The following BTBD9 variants were observed in gnomAD, a reference collection of about 807,000 sequenced individuals.
BTBD9 encodes BTB/POZ domain-containing protein 9.
A neutral mutation model predicts 64.3 loss-of-function variants in BTBD9; 49 were observed. The observed-to-expected ratio is 0.76, with a 90% confidence interval of 0.61 to 0.97. BTBD9 has a LOEUF of 0.97. Ranked by LOEUF, BTBD9 falls within the 50% of genes least tolerant of loss-of-function variation. The probability of loss-of-function intolerance (pLI) is 0.00; values close to 1 mark genes in which losing one functional copy is unlikely to be tolerated. For missense variants in BTBD9, 598 were observed against 762.1 expected (o/e 0.78, Z 2.53); for synonymous variants, 260 against 274.7 (o/e 0.95, Z 0.53).
intron 7 of BTBD9, among the ~76,000 whole-genome samples, chr6:38,302,525 CACATTCTCTTTAT>C (rs1357859270): frequency 2.7e-5 from 2 of 74,152 alleles, no homozygotes; most frequent in East Asian, 9.2e-4. Flanking sequence ...ATATATATAT[CACATTCTCTTTAT>C]ACATTCATAC....
chr6:38,587,163 G>C (rs1776572555), intron 4 of BTBD9, among the ~76,000 whole-genome samples: 1 of 152,148 alleles, frequency 6.6e-6, no homozygotes, highest in South Asian at 2.1e-4. Flanking sequence ...TGGCCATGGA[G>C]GGCAACCGAG....
chr6:38,617,169 C>T (rs1315552078), intron 1 of BTBD9, among the ~76,000 whole-genome samples: 1 of 152,100 alleles, frequency 6.6e-6, no homozygotes, highest in Non-Finnish European at 1.5e-5. Context: ...GAGTCGGGAG[C>T]GTTGCTTTGC....
At chr6:38,228,340 G>A (rs1763471893) in intron 9 of BTBD9, among the ~76,000 whole-genome samples, 1 of 66,574 alleles carries the variant, frequency 1.5e-5, no homozygotes, top group African/African-American at 6.4e-5. Flanking sequence ...GCAAGACCCT[G>A]TCCCCCCCCC....
intron 8 of BTBD9, among the ~76,000 whole-genome samples, chr6:38,275,631 T>C (rs1487494118): frequency 6.6e-6 from 1 of 151,528 alleles, no homozygotes; most frequent in Admixed American, 6.6e-5. Context: ...GAATCTACAA[T>C]GAACTCAAAC....
intron 4 of BTBD9, among the ~76,000 whole-genome samples, chr6:38,583,940 A>C (rs1030995904): frequency 2.0e-5 from 3 of 152,238 alleles, no homozygotes; most frequent in Non-Finnish European, 2.9e-5. Context: ...TCATCATGAG[A>C]AAATTCAAAT....
chr6:38,445,745 G>T (rs1326091049), intron 6 of BTBD9, among the ~76,000 whole-genome samples: 1 of 152,108 alleles, frequency 6.6e-6, no homozygotes, highest in African/African-American at 2.4e-5. Context: ...GTCATCATCA[G>T]ATCTTAAAAA....
intron 8 of BTBD9, among the ~76,000 whole-genome samples, chr6:38,270,270 T>A (rs1054757060): frequency 6.6e-6 from 1 of 152,198 alleles, no homozygotes; most frequent in Non-Finnish European, 1.5e-5. Context: ...AGGACCTACA[T>A]GGGCATCCTG....
chr6:38,344,991 C>G lies in BTBD9; in HGVS notation c.1257G>C (p.Gly419=), dbSNP rs1403433758. 2 of 1,584,222 alleles carry G rather than the reference C, an allele frequency of 1.3e-6. No individual in the cohort carries two copies. Among genetic ancestry groups the G allele is most frequent in the Non-Finnish European group, 1.7e-6 (2 of 1,156,430 alleles). ...TCTAATGGTAATACTTACCTATCAG[C>G]CCCTTCTCAAGAGTGAAGGTTTTGT... The part of the protein sequence containing the change: ...FTNKTFTLEK[G]LIVPMENVAT... Residue 419 remains glycine, a synonymous_variant, in exon 7 of 11, where the codon GGG becomes GGC. Transcript: ENST00000481247.
intron 6 of BTBD9, among the ~76,000 whole-genome samples, chr6:38,374,816 C>T (rs1765620351): frequency 6.6e-6 from 1 of 152,122 alleles, no homozygotes; most frequent in Non-Finnish European, 1.5e-5. Context: ...AGAGAAGTAT[C>T]ATTGGCTTTT....
intron 6 of BTBD9, among the ~76,000 whole-genome samples, chr6:38,439,768 A>G (rs1487883578): frequency 6.6e-6 from 1 of 152,138 alleles, no homozygotes; most frequent in Non-Finnish European, 1.5e-5. Context: ...TTAACAGCTC[A>G]CTGCAGCCTC....
At chr6:38,436,076 T>TA (rs1463749500) in intron 6 of BTBD9, among the ~76,000 whole-genome samples, 1 of 151,894 alleles carries the variant, frequency 6.6e-6, no homozygotes, top group African/African-American at 2.4e-5. Flanking sequence ...ATAAATTCCT[T>TA]AAGTATCCTG....
chr6:38,452,662 C>A (rs1227523146), intron 6 of BTBD9, among the ~76,000 whole-genome samples: 1 of 151,716 alleles, frequency 6.6e-6, no homozygotes, highest in African/African-American at 2.4e-5. Flanking sequence ...AGAAAGGAAT[C>A]AAAGCTGATT....
chr6:38,491,333 T>C (rs1439168439), intron 6 of BTBD9, among the ~76,000 whole-genome samples: 2 of 152,242 alleles, frequency 1.3e-5, no homozygotes, highest in Non-Finnish European at 2.9e-5. Flanking sequence ...AGTGGCATTG[T>C]GTTGTGGGTG....
At chr6:38,261,655 G>C (rs1764798668) in intron 8 of BTBD9, among the ~76,000 whole-genome samples, 1 of 152,140 alleles carries the variant, frequency 6.6e-6, no homozygotes, top group South Asian at 2.1e-4. Context: ...CATGCTGAAG[G>C]TATTAATTTT....
chr6:38,261,380 C>T (rs1483509343), intron 8 of BTBD9, among the ~76,000 whole-genome samples: 2 of 152,106 alleles, frequency 1.3e-5, no homozygotes, highest in African/African-American at 2.4e-5. Context: ...TCCCCCCAAC[C>T]CCAAGCAAAA....
chr6:38,199,673 A>G (rs1487026166), intron 9 of BTBD9, among the ~76,000 whole-genome samples: 1 of 152,224 alleles, frequency 6.6e-6, no homozygotes, highest in Non-Finnish European at 1.5e-5. Context: ...GCTAACACCT[A>G]CACAACTGGA....
At chr6:38,282,381 A>G (rs1761547264) in intron 8 of BTBD9, among the ~76,000 whole-genome samples, 1 of 152,206 alleles carries the variant, frequency 6.6e-6, no homozygotes, top group Non-Finnish European at 1.5e-5. Flanking sequence ...TGGGAATGAG[A>G]AAGAAATGCA....
At chr6:38,269,382 G>GA (rs1160746446) in intron 8 of BTBD9, among the ~76,000 whole-genome samples, 1 of 151,790 alleles carries the variant, frequency 6.6e-6, no homozygotes, top group Non-Finnish European at 1.5e-5. Context: ...GCAGCTAGAG[G>GA]AAAAAATGGC....
chr6:38,372,843 C>A (rs1765479156), intron 6 of BTBD9, among the ~76,000 whole-genome samples: 1 of 152,164 alleles, frequency 6.6e-6, no homozygotes, highest in South Asian at 2.1e-4. Flanking sequence ...CTTATATGTG[C>A]CATGAACATG....
Sources: allele counts gnomAD v4.1 joint callset (sites outside exome capture counted in the v4.1 genomes callset), GRCh38; gene constraint gnomAD v4.1.1; transcripts MANE v1.5; gene names NCBI Gene and HGNC (gene_info 2026-07-23, HGNC 2026-07-21).